Variants in PTPRM observed in about 807,000 individuals in gnomAD.
The protein encoded by PTPRM is receptor-type tyrosine-protein phosphatase mu.
Under a neutral mutation model 186.7 loss-of-function variants are expected in PTPRM, and 47 were observed. That is an observed-to-expected ratio of 0.25 (90% CI 0.20 to 0.32). The LOEUF (loss-of-function observed/expected upper bound fraction) is 0.32, where lower values mean the gene tolerates loss of function less well. Ranked by LOEUF, PTPRM falls within the 10% of genes least tolerant of loss-of-function variation. The pLI, the probability that PTPRM is intolerant of heterozygous loss-of-function variation, is 1.00. For missense variants in PTPRM, 1,494 were observed against 1,865.0 expected (o/e 0.80, Z 3.66); for synonymous variants, 668 against 674.9 (o/e 0.99, Z 0.16).
intron 1 of PTPRM, among the ~76,000 whole-genome samples, chr18:7,627,667 G>T (rs182829319): frequency 1.3e-5 from 2 of 152,246 alleles, no homozygotes; most frequent in Non-Finnish European, 2.9e-5. Flanking sequence ...AAAATTCGGC[G>T]GGCACCAGAG....
chr18:8,157,444 C>T (rs1239606011), intron 14 of PTPRM, among the ~76,000 whole-genome samples: 2 of 152,150 alleles, frequency 1.3e-5, no homozygotes, highest in African/African-American at 4.8e-5. Flanking sequence ...CTCTCCTTTT[C>T]CCATGGAGAG....
At chr18:8,252,337 T>G (rs1463771441) in intron 17 of PTPRM, 151 bp from the exon 18 acceptor site, 5 of 692,904 alleles carry the variant, frequency 7.2e-6, no homozygotes, top group Non-Finnish European at 1.3e-5. Context: ...GAATTGAGGC[T>G]TCGCCCTCTG....
chr18:7,762,373 A>G (rs2041816466), intron 1 of PTPRM, among the ~76,000 whole-genome samples: 1 of 152,034 alleles, frequency 6.6e-6, no homozygotes, highest in South Asian at 2.1e-4. Flanking sequence ...CCGCATGAGC[A>G]TAGGGGTAGC....
At chr18:7,648,147 A>G (rs988941870) in intron 1 of PTPRM, among the ~76,000 whole-genome samples, 1 of 152,042 alleles carries the variant, frequency 6.6e-6, no homozygotes, top group Non-Finnish European at 1.5e-5. Flanking sequence ...TGTTACGGTG[A>G]TCTGTGATTA....
At chr18:8,129,415 G>A (rs1405663266) in intron 13 of PTPRM, among the ~76,000 whole-genome samples, 1 of 152,166 alleles carries the variant, frequency 6.6e-6, no homozygotes, top group African/African-American at 2.4e-5. Flanking sequence ...ACTGTTGATA[G>A]ATACCAATTG....
chr18:8,150,283 A>G (rs1029453567), intron 14 of PTPRM, among the ~76,000 whole-genome samples: 5 of 152,220 alleles, frequency 3.3e-5, no homozygotes, highest in African/African-American at 7.2e-5. Flanking sequence ...AGGTACACCA[A>G]TCAGACATAG....
intron 15 of PTPRM, among the ~76,000 whole-genome samples, chr18:8,245,425 C>G (rs2094468658): frequency 6.6e-6 from 1 of 152,096 alleles, no homozygotes; most frequent in Non-Finnish European, 1.5e-5. Context: ...GATCTTCTTT[C>G]TTTACCCTTT....
chr18:8,145,682 A>G (rs2146150636), intron 14 of PTPRM, among the ~76,000 whole-genome samples: 1 of 152,312 alleles, frequency 6.6e-6, no homozygotes, highest in South Asian at 2.1e-4. Context: ...ATAGTATTCC[A>G]TGGTGCGTAT....
intron 1 of PTPRM, among the ~76,000 whole-genome samples, chr18:7,771,947 C>A (rs1165267317): frequency 6.6e-6 from 1 of 152,208 alleles, no homozygotes; most frequent in Non-Finnish European, 1.5e-5. Context: ...TACTTTCTTA[C>A]AAAGTGGAGA....
chr18:8,017,476 A>G (rs1274933743), intron 7 of PTPRM, among the ~76,000 whole-genome samples: 1 of 150,966 alleles, frequency 6.6e-6, no homozygotes, highest in Non-Finnish European at 1.5e-5. Flanking sequence ...CCACCTACTC[A>G]GGAGGCTGAG....
At chr18:7,804,696 G>A (rs1055707040) in intron 2 of PTPRM, among the ~76,000 whole-genome samples, 5 of 152,228 alleles carry the variant, frequency 3.3e-5, no homozygotes, top group African/African-American at 7.2e-5. Context: ...GCCTGACTTC[G>A]AAAGTGGAAA....
intron 1 of PTPRM, among the ~76,000 whole-genome samples, chr18:7,676,827 T>G (rs1384486523): frequency 6.6e-6 from 1 of 152,218 alleles, no homozygotes; most frequent in Non-Finnish European, 1.5e-5. Flanking sequence ...ATAACAGATG[T>G]TTTTTAAGTT....
At chr18:8,344,691 A>G (rs973056696) in intron 23 of PTPRM, among the ~76,000 whole-genome samples, 8 of 151,894 alleles carry the variant, frequency 5.3e-5, no homozygotes, top group African/African-American at 1.9e-4. Context: ...TAGCGCTTGC[A>G]TGCACCCTTA....
chr18:7,677,964 C>T (rs2039386177), intron 1 of PTPRM, among the ~76,000 whole-genome samples: 2 of 152,140 alleles, frequency 1.3e-5, no homozygotes, highest in Non-Finnish European at 2.9e-5. Flanking sequence ...GACAGGATCT[C>T]TGTACTCCTC....
At chr18:7,721,564 G>A (rs1016782170) in intron 1 of PTPRM, among the ~76,000 whole-genome samples, 4 of 152,106 alleles carry the variant, frequency 2.6e-5, no homozygotes, top group East Asian at 1.9e-4. Flanking sequence ...GTCATGATGA[G>A]TGATACAGTT....
rs543807156 is a variant in PTPRM, at chr18:7,937,799, C to T, written c.663+11116C>T. 3.3e-5 allele frequency among the ~76,000 whole-genome samples: 5 copies of T among 152,262 alleles called. No individual in the cohort carries two copies. The South Asian group carries it at 1.0e-3, about 32-fold the overall frequency. ...TTATTGTTGTCATCATCAGCATTGT[C>T]GTCATCAGCTTGTGTGTTTGAACAC... On this transcript the variant is annotated intron_variant, in intron 5 of 32. Transcript: ENST00000580170.
chr18:7,597,612 G>T (rs529927430), intron 1 of PTPRM, among the ~76,000 whole-genome samples: 1 of 152,102 alleles, frequency 6.6e-6, no homozygotes, highest in African/African-American at 2.4e-5. Context: ...TAAAGTTTCC[G>T]TCCCTGCTTC....
At chr18:8,183,038 C>G (rs968502737) in intron 14 of PTPRM, among the ~76,000 whole-genome samples, 4 of 152,136 alleles carry the variant, frequency 2.6e-5, no homozygotes, top group Admixed American at 6.5e-5. Flanking sequence ...TAATAATCCC[C>G]CCAGACTCAG....
chr18:8,064,969 C>T (rs1367690388), intron 7 of PTPRM, among the ~76,000 whole-genome samples: 1 of 152,140 alleles, frequency 6.6e-6, no homozygotes, highest in Non-Finnish European at 1.5e-5. Context: ...AAGGGGCCCA[C>T]CATGCCATTC....
Sources: allele counts gnomAD v4.1 joint callset (sites outside exome capture counted in the v4.1 genomes callset), GRCh38; gene constraint gnomAD v4.1.1; transcripts MANE v1.5; gene names NCBI Gene and HGNC (gene_info 2026-07-23, HGNC 2026-07-21).